The following MEP1A variants were observed in gnomAD, a reference collection of about 807,000 sequenced individuals.
MEP1A encodes meprin A subunit alpha, also known as N-benzoyl-L-tyrosyl-P-amino-benzoic acid hydrolase subunit alpha.
MEP1A carries 68 observed loss-of-function variants against 84.5 expected under a neutral mutation model. That is an observed-to-expected ratio of 0.80 (90% CI 0.66 to 0.98). MEP1A has a LOEUF of 0.98. Ranked by LOEUF, MEP1A falls within the 50% of genes least tolerant of loss-of-function variation. The pLI, the probability that MEP1A is intolerant of heterozygous loss-of-function variation, is 0.00. For missense variants in MEP1A, 887 were observed against 919.9 expected (o/e 0.96, Z 0.46); for synonymous variants, 337 against 336.8 (o/e 1.00, Z -0.01).
At chr6:46,840,840 C>G (rs187732582), downstream of MEP1A, among the ~76,000 whole-genome samples, 290 of 152,314 alleles carry the variant, frequency 1.9e-3, no homozygotes, top group African/African-American at 6.5e-3. Flanking sequence ...TGTATTATCT[C>G]CAAAGACCAG....
At chr6:46,809,074 T>C (rs1188700978) in intron 5 of MEP1A, among the ~76,000 whole-genome samples, 1 of 152,072 alleles carries the variant, frequency 6.6e-6, no homozygotes, top group Non-Finnish European at 1.5e-5. Flanking sequence ...CCTGAGGCAA[T>C]GCACTCTAAA....
chr6:46,835,516 T>C lies in MEP1A; in HGVS notation c.2051T>C (p.Ile684Thr), dbSNP rs766193430. ...CCAAACCCTTGCCAAAATGACGGCATCTGTGTGAACGTGAAGGGGATGGCG... is the reference window on the plus strand; with the variant it reads ...CCAAACCCTTGCCAAAATGACGGCACCTGTGTGAACGTGAAGGGGATGGCG... ...CDPNPCQNDG[I>T]CVNVKGMASC... is the part of the protein sequence containing the mutation. The change falls in exon 13 of 14, where the codon ATC becomes ACC. Residue 684 changes from isoleucine to threonine, a missense_variant. Ile to Thr is a moderately conservative substitution (Grantham distance 89, BLOSUM62 -1). Transcript: ENST00000230588. 3 of 1,613,536 alleles carry C rather than the reference T, an allele frequency of 1.9e-6. No individual in the cohort carries two copies. Among genetic ancestry groups the C allele is most frequent in the Non-Finnish European group, 2.5e-6 (3 of 1,179,822 alleles).
chr6:46,808,828 A>G (rs1180601466), intron 5 of MEP1A, among the ~76,000 whole-genome samples: 2 of 152,036 alleles, frequency 1.3e-5, no homozygotes, highest in Non-Finnish European at 2.9e-5. Context: ...TAGTCTTGCC[A>G]TCTCCCAGGC....
chr6:46,839,098 T>G lies in MEP1A; in HGVS notation c.2203T>G (p.Ser735Ala), dbSNP rs1298910632. Residue 735 changes from serine (S) to alanine (A), a missense_variant, in exon 14 of 14, where the codon TCC (serine) becomes GCC (alanine). Coordinates refer to ENST00000230588, the MANE Select transcript of MEP1A (RefSeq NM_005588.3). ...GGCTGGCGTGATCTTCTTGACCTTCTCCATCATCGCCATCCTTTCCCAAAG... is the reference window on the plus strand; with the variant it reads ...GGCTGGCGTGATCTTCTTGACCTTCGCCATCATCGCCATCCTTTCCCAAAG... ...GTAGVIFLTF[S>A]IIAILSQRPR... 1.2e-6 allele frequency: 2 copies of G among 1,612,976 alleles called. No homozygotes were observed. Among genetic ancestry groups the G allele is most frequent in the East Asian group, 4.5e-5 (2 of 44,888 alleles).
intron 7 of MEP1A, among the ~76,000 whole-genome samples, chr6:46,824,966 TAA>T (rs1200423170): frequency 8.1e-6 from 1 of 123,150 alleles, no homozygotes; most frequent in African/African-American, 3.8e-5. Context: ...TAGATCTATT[TAA>T]ATATATATAA....
intron 5 of MEP1A, among the ~76,000 whole-genome samples, chr6:46,804,388 A>G (rs912797891): frequency 2.0e-5 from 3 of 151,814 alleles, no homozygotes; most frequent in African/African-American, 7.2e-5. Context: ...AAACTTTTAA[A>G]TAATCAAAAA....
At position 46,809,515 on chromosome 6, in the gene MEP1A, A is replaced by G; in HGVS notation, c.358A>G (p.Ile120Val). The change falls in exon 6 of 14, where the codon ATC becomes GTC. Residue 120 changes from isoleucine to valine, a missense_variant. Physicochemically the swap from Ile to Val is conservative, Grantham distance 29 (BLOSUM62 3). Transcript: ENST00000230588. Reference protein sequence around the residue: ...FKPYEGESSYIIFQQFDGCWS... With the variant: ...FKPYEGESSYVIFQQFDGCWS... ...GCCCTATGAAGGAGAGAGCTCATAT[A>G]TCATATTTCAACAGTTTGATGGGTT... is the stretch of plus-strand genomic sequence containing the variant. 6.2e-7 allele frequency: 1 copy of G among 1,605,214 alleles called. No individual in the cohort carries two copies. Among genetic ancestry groups the G allele is most frequent in the Non-Finnish European group, 8.5e-7 (1 of 1,174,526 alleles).
At chr6:46,818,398 G>A (rs1418321369) in intron 6 of MEP1A, among the ~76,000 whole-genome samples, 1 of 152,130 alleles carries the variant, frequency 6.6e-6, no homozygotes, top group African/African-American at 2.4e-5. Context: ...CAATCCATTG[G>A]TTGCATTTAT....
intron 10 of MEP1A, among the ~76,000 whole-genome samples, chr6:46,830,413 A>T (rs1300409307): frequency 1.3e-5 from 2 of 152,108 alleles, no homozygotes; most frequent in Admixed American, 6.6e-5. Context: ...TCCTATAATC[A>T]CTAACATGTT....
At position 46,834,616 on chromosome 6, in the gene MEP1A, G is replaced by A; in HGVS notation, c.1648G>A (p.Val550Met). ...DTVIWDRPSR[V>M]GTYHTDCNCF... ...TGTCATCTGGGACAGGCCGTCCAGG[G>A]TGGGAACCTATCATACGGACTGTAA... is the stretch of plus-strand genomic sequence containing the variant. Residue 550 changes from valine (V) to methionine (M), a missense_variant, in exon 12 of 14, where the codon GTG becomes ATG. Val to Met is a conservative substitution (Grantham distance 21). Transcript: ENST00000230588. The A allele has an allele frequency of 1.2e-6, 2 of 1,611,394 alleles. No homozygotes were observed. The highest frequency in any genetic ancestry group is 1.7e-6 in the Non-Finnish European group (2 of 1,179,492).
downstream of MEP1A, chr6:46,839,816 T>C (rs1042767038): frequency 3.3e-5 from 5 of 152,174 alleles, no homozygotes; most frequent in African/African-American, 1.2e-4. Flanking sequence ...AGTGTGGGTG[T>C]GCATGTGTGT....
chr6:46,795,855 A>G (rs1010850524), intron 3 of MEP1A, among the ~76,000 whole-genome samples: 1 of 152,166 alleles, frequency 6.6e-6, no homozygotes, highest in Non-Finnish European at 1.5e-5. Flanking sequence ...TAGAGCCTTG[A>G]TTCCCAAAGT....
At chr6:46,811,340 A>G (rs1019804001) in intron 6 of MEP1A, among the ~76,000 whole-genome samples, 9 of 151,872 alleles carry the variant, frequency 5.9e-5, no homozygotes, top group African/African-American at 2.2e-4. Context: ...AATTTTGTTG[A>G]TTTTATTTAC....
At chr6:46,838,652 G>C (rs1768271291) in intron 13 of MEP1A, among the ~76,000 whole-genome samples, 1 of 152,178 alleles carries the variant, frequency 6.6e-6, no homozygotes, top group African/African-American at 2.4e-5. Flanking sequence ...CTGAGTCCTT[G>C]GTGGCTGAGA....
At chr6:46,840,771 G>A (rs1476494777), downstream of MEP1A, among the ~76,000 whole-genome samples, 2 of 152,148 alleles carry the variant, frequency 1.3e-5, no homozygotes, top group Non-Finnish European at 1.5e-5. Context: ...TAATATGTAT[G>A]AAAATATTAC....
chr6:46,802,115 A>G (rs1427977791), intron 5 of MEP1A, among the ~76,000 whole-genome samples: 1 of 151,926 alleles, frequency 6.6e-6, no homozygotes, highest in Non-Finnish European at 1.5e-5. Context: ...AATTTCTCTA[A>G]AAAGCCTGCT....
At chr6:46,815,165 C>A (rs956998344) in intron 6 of MEP1A, among the ~76,000 whole-genome samples, 10 of 152,112 alleles carry the variant, frequency 6.6e-5, no homozygotes, top group African/African-American at 2.2e-4. Context: ...GAGATTCTGA[C>A]CTTTGTCTTT....
downstream of MEP1A, among the ~76,000 whole-genome samples, chr6:46,843,897 A>G (rs1397036419): frequency 6.6e-6 from 1 of 152,212 alleles, no homozygotes; most frequent in East Asian, 1.9e-4. Flanking sequence ...AGAGCCACTT[A>G]ATAGCAGAAT....
downstream of MEP1A, among the ~76,000 whole-genome samples, chr6:46,841,366 C>T (rs1768328468): frequency 6.6e-6 from 1 of 151,794 alleles, no homozygotes; most frequent in Admixed American, 6.6e-5. Flanking sequence ...TGGTCTGGCT[C>T]ACTGTAAATC....
Sources: gnomAD v4.1 joint callset for allele counts (sites outside exome capture counted in the v4.1 genomes callset) on GRCh38, gnomAD v4.1.1 for gene constraint, MANE v1.5 for transcripts, NCBI Gene and HGNC (gene_info 2026-07-23, HGNC 2026-07-21) for gene names.